The following CLSPN variants were observed in gnomAD, a reference collection of about 807,000 sequenced individuals.
The protein encoded by CLSPN is claspin, also known as claspin homolog.
Under a neutral mutation model 156.3 loss-of-function variants are expected in CLSPN, and 85 were observed. The ratio of observed to expected loss-of-function variants is 0.54; its 90% confidence interval spans 0.46 to 0.65. The LOEUF is 0.65. Ranked by LOEUF, CLSPN falls within the 30% of genes least tolerant of loss-of-function variation. CLSPN has a pLI of 0.00. For synonymous variants in CLSPN, 534 were observed against 542.4 expected, an observed-to-expected ratio of 0.98 and a Z score of 0.22; for missense variants, 1,407 against 1,554.9, an observed-to-expected ratio of 0.90 and a Z score of 1.60.
At chr1:35,740,422 T>TC (rs1319709622) in intron 18 of CLSPN, among the ~76,000 whole-genome samples, 1 of 119,266 alleles carries the variant, frequency 8.4e-6, no homozygotes, top group African/African-American at 3.1e-5. Flanking sequence ...GTATTTTCTC[T>TC]TTTTTTTTTT....
intron 1 of CLSPN, among the ~76,000 whole-genome samples, chr1:35,765,550 T>C (rs1557526259): frequency 1.4e-5 from 2 of 147,354 alleles, no homozygotes; most frequent in African/African-American, 5.0e-5. Flanking sequence ...TTAGTAACGG[T>C]AAAAAAAAAA....
Position 35,736,623 on chromosome 1 carries a change from G to A in CLSPN, c.3910-17C>T, listed in dbSNP as rs913663426. On this transcript the variant is annotated splice_polypyrimidine_tract_variant and intron_variant, in intron 24 of 24. Transcript: ENST00000318121. ...TTTCTTTACCTAGAGAGCAGAGAGG[G>A]AGTCAGGGCCAGCTAAAGACCTTCA... is the stretch of plus-strand genomic sequence containing the variant. 6.2e-7 allele frequency: 1 copy of A among 1,600,662 alleles called. No individual in the cohort carries two copies. The highest frequency in any genetic ancestry group is 1.3e-5 in the African/African-American group (1 of 74,196).
At chr1:35,723,570 C>T (rs1357988886) in intron 24 of CLSPN, among the ~76,000 whole-genome samples, 2 of 152,194 alleles carry the variant, frequency 1.3e-5, no homozygotes, top group Admixed American at 6.5e-5. Context: ...AAGACCTTGT[C>T]CCTTCCCACC....
chr1:35,762,267 T>C, intron 5 of CLSPN, 137 bp downstream of exon 5: 1 of 833,332 alleles, frequency 1.2e-6, no homozygotes, highest in South Asian at 1.7e-5. Flanking sequence ...AATCCATATT[T>C]TGTTCCTACT....
chr1:35,736,619 G>C lies in CLSPN; in HGVS notation c.3910-13C>G. ...CCCTTTTCTTTACCTAGAGAGCAGA[G>C]AGGGAGTCAGGGCCAGCTAAAGACC... On this transcript the variant is annotated splice_polypyrimidine_tract_variant and intron_variant, in intron 24 of 24. Transcript: ENST00000318121. The C allele has an allele frequency of 6.2e-7, 1 of 1,603,986 alleles. No individual in the cohort carries two copies. The highest frequency in any genetic ancestry group is 8.5e-7 in the Non-Finnish European group (1 of 1,176,926).
chr1:35,762,139 C>G (rs1046728570), intron 5 of CLSPN, 69 bp from the exon 6 acceptor site: 5 of 1,190,432 alleles, frequency 4.2e-6, no homozygotes, highest in Non-Finnish European at 6.2e-6. Context: ...ATTCATCACT[C>G]AAGAGTTTGC....
chr1:35,765,988 C>CTT (rs1346532481), intron 1 of CLSPN, among the ~76,000 whole-genome samples: 1 of 24,498 alleles, frequency 4.1e-5, no homozygotes, highest in Non-Finnish European at 8.3e-5. Context: ...CTTTCTCTCT[C>CTT]TCTCTCTTTT....
chr1:35,732,974 T>TC lies in CLSPN; in HGVS notation c.*3521_*3522insG, dbSNP rs1226230718. 18 of 983,346 alleles carry TC rather than the reference T, an allele frequency of 1.8e-5. No individual in the cohort carries two copies. The highest frequency in any genetic ancestry group is 2.2e-5 in the Non-Finnish European group (18 of 828,870). 60.9% of individuals were successfully genotyped at this position (983,346 alleles called of 1,614,324 possible). ...TCAGAAACCATTTTCTTTCTTTCTT[T>TC]TTTTTTTTGAGAGGGAGTCTCACTC... On this transcript the variant is annotated 3_prime_UTR_variant, in exon 25 of 25. Transcript: ENST00000318121.
chr1:35,758,649 C>CAA (rs201947113), intron 8 of CLSPN, among the ~76,000 whole-genome samples: 9 of 140,512 alleles, frequency 6.4e-5, no homozygotes, highest in Admixed American at 4.9e-4. Context: ...AAGCCCGTCT[C>CAA]AAAAAAAAAA....
rs1641057563 is a variant in CLSPN, at chr1:35,720,828, CAATT to C, written c.*59_*62del. The C allele has an allele frequency of 2.7e-5, 31 of 1,169,180 alleles. No individual in the cohort carries two copies. The South Asian group carries it at 3.8e-4, about 14-fold the overall frequency. 72.4% of individuals were successfully genotyped at this position (1,169,180 alleles called of 1,614,324 possible). A position where few individuals can be genotyped will look rare whatever the true frequency, so the allele number is the denominator to read the frequency against. On this transcript the variant is annotated 3_prime_UTR_variant, in exon 25 of 25. Transcript: ENST00000251195. ...CCAGACCACAGAGCCATAAAGTCAT[CAATT>C]GTTTGTTCTGCCCAGAATAGCCCTT...
rs1641445210 is a variant in CLSPN at position 35,735,743 on chromosome 1, G to A, written c.*753C>T. On this transcript the variant is annotated 3_prime_UTR_variant, in exon 25 of 25. Transcript: ENST00000318121. ...AGAAATCTTTCTTTCACCGAGCCCT[G>A]GTCATCATGGTACGTATCTCATGGG... 1.0e-6 allele frequency: 1 copy of A among 984,316 alleles called. No individual in the cohort carries two copies. Among genetic ancestry groups the A allele is most frequent in the Non-Finnish European group, 1.2e-6 (1 of 829,618 alleles). 61.0% of individuals were successfully genotyped at this position (984,316 alleles called of 1,614,324 possible). A position where few individuals can be genotyped will look rare whatever the true frequency, so the allele number is the denominator to read the frequency against.
rs188300886 is a variant in CLSPN at position 35,736,166 on chromosome 1, C to T, written c.*330G>A. On this transcript the variant is annotated 3_prime_UTR_variant, in exon 25 of 25. Transcript: ENST00000318121. Reference sequence around the variant, plus strand: ...CTGGGAGGCAGAGATTGTGGTGAGCCGAGATCACGCCACTGCACTCCAAGC... The same window carrying T: ...CTGGGAGGCAGAGATTGTGGTGAGCTGAGATCACGCCACTGCACTCCAAGC... 1.6e-5 allele frequency: 13 copies of T among 812,506 alleles called. No individual in the cohort carries two copies. Among genetic ancestry groups the T allele is most frequent in the Admixed American group, 6.2e-5 (1 of 16,088 alleles). 50.3% of individuals were successfully genotyped at this position (812,506 alleles called of 1,614,324 possible).
At position 35,737,987 on chromosome 1, in the gene CLSPN, C is replaced by T. The variant is rs751718634; in HGVS notation, c.3664+5G>A. The T allele has an allele frequency of 6.9e-7, 1 of 1,443,774 alleles. No homozygotes were observed. Among genetic ancestry groups the T allele is most frequent in the African/African-American group, 1.4e-5 (1 of 70,154 alleles). 89.4% of individuals were successfully genotyped at this position (1,443,774 alleles called of 1,614,324 possible). ...GCTAGACCCTAAGGAGAAACAAGAG[C>T]TCACCATTCTTCTGCAGTGCTTTGG... On this transcript the variant is annotated splice_donor_5th_base_variant and intron_variant, in intron 22 of 24. Transcript: ENST00000318121.
At chr1:35,748,820 CTTTTTTTTTTTTTTT>C (rs201350754) in intron 12 of CLSPN, 5 of 293,532 alleles carry the variant, frequency 1.7e-5, no homozygotes, top group African/African-American at 6.8e-5. Flanking sequence ...CTTGAAAGTT[CTTTTTTTTTTTTTTT>C]TTTTTTTTTT....
intron 1 of CLSPN, among the ~76,000 whole-genome samples, chr1:35,768,304 G>C (rs2148629534): frequency 6.6e-6 from 1 of 151,830 alleles, no homozygotes; most frequent in Middle Eastern, 3.4e-3. Flanking sequence ...GGAGACAGAA[G>C]TTGCAGTGAG....
Position 35,734,690 on chromosome 1 carries a change from A to AT in CLSPN, c.*1805_*1806insA. The stretch of plus-strand genomic sequence containing the variant: ...CAGCCTATGTCTCAAAAAAAAAAAA[A>AT]GAAAAGAAAAGAAAAGAAAAAGAAA... On this transcript the variant is annotated 3_prime_UTR_variant, in exon 25 of 25. Coordinates refer to ENST00000318121, the MANE Select transcript of CLSPN (RefSeq NM_022111.4). 2.1e-6 allele frequency: 1 copy of AT among 473,600 alleles called. No individual in the cohort carries two copies. Among genetic ancestry groups the AT allele is most frequent in the Non-Finnish European group, 2.7e-6 (1 of 374,184 alleles). The allele number at this position is 473,600 out of a possible 1,614,324, so 29.3% of individuals were successfully genotyped here.
At position 35,752,910 on chromosome 1, in the gene CLSPN, T is replaced by G. The variant is rs1022499867; in HGVS notation, c.1771+835A>C. On this transcript the variant is annotated intron_variant, in intron 9 of 24. Coordinates refer to ENST00000318121, the MANE Select transcript of CLSPN (RefSeq NM_022111.4). Reference sequence around the variant, plus strand: ...TACTCCTATAAAGACATACAAGAAATTGTTAATAGTTATCTTTGGGAAGAC... The same window carrying G: ...TACTCCTATAAAGACATACAAGAAAGTGTTAATAGTTATCTTTGGGAAGAC... 5.3e-5 allele frequency among the ~76,000 whole-genome samples: 8 copies of G among 152,146 alleles called. 1 individual carries two copies. The highest frequency in any genetic ancestry group is 1.9e-4 in the African/African-American group (8 of 41,416).
intron 24 of CLSPN, among the ~76,000 whole-genome samples, chr1:35,724,190 T>G (rs1048042898): frequency 6.6e-6 from 1 of 152,154 alleles, no homozygotes; most frequent in African/African-American, 2.4e-5. Flanking sequence ...CCTCCCACCT[T>G]GGCCTCCCAA....
At chr1:35,722,855 T>C (rs965408320) in intron 24 of CLSPN, among the ~76,000 whole-genome samples, 2 of 152,112 alleles carry the variant, frequency 1.3e-5, no homozygotes, top group Non-Finnish European at 2.9e-5. Context: ...GGTCTCAAAT[T>C]CCTGGCCTCA....
Sources: allele counts gnomAD v4.1 joint callset (sites outside exome capture counted in the v4.1 genomes callset), GRCh38; gene constraint gnomAD v4.1.1; transcripts MANE v1.5; gene names NCBI Gene and HGNC (gene_info 2026-07-23, HGNC 2026-07-21).